Variants in NOL4 observed in about 807,000 individuals in gnomAD.
The protein encoded by NOL4 is nucleolar protein 4.
A neutral mutation model predicts 75.9 loss-of-function variants in NOL4; 17 were observed. The observed-to-expected ratio is 0.22, with a 90% CI of 0.15 to 0.34. The LOEUF (loss-of-function observed/expected upper bound fraction) is 0.34, where lower values mean the gene tolerates loss of function less well. NOL4 is among the 10% of genes least tolerant of loss of function. The pLI, the probability that NOL4 is intolerant of heterozygous loss-of-function variation, is 1.00. For synonymous variants in NOL4, 292 were observed against 289.9 expected (o/e 1.01, Z -0.07); for missense variants, 614 against 793.5 (o/e 0.77, Z 2.72).
At chr18:34,024,194 A>ATATATATATAT (rs1555696186) in intron 5 of NOL4, among the ~76,000 whole-genome samples, 3 of 70,696 alleles carry the variant, frequency 4.2e-5, no homozygotes, top group African/African-American at 1.1e-4. Flanking sequence ...AAAAAAAAAA[A>ATATATATATAT]ATATATATAT....
At chr18:34,180,465 G>A (rs1265313208) in intron 1 of NOL4, among the ~76,000 whole-genome samples, 1 of 151,356 alleles carries the variant, frequency 6.6e-6, no homozygotes, top group Admixed American at 6.6e-5. Context: ...ACAAACTGGG[G>A]ACTTAAAGAA....
chr18:34,074,108 A>C (rs2077639954), intron 5 of NOL4, among the ~76,000 whole-genome samples: 1 of 151,818 alleles, frequency 6.6e-6, no homozygotes, highest in African/African-American at 2.4e-5. Flanking sequence ...AATAAGAAAA[A>C]AGGAGAATAG....
chr18:33,938,591 G>A (rs181404253), intron 9 of NOL4, among the ~76,000 whole-genome samples: 115 of 152,198 alleles, frequency 7.6e-4, no homozygotes, highest in Non-Finnish European at 1.1e-3. Context: ...TTTGAGAAGC[G>A]TCTGTTCATA....
chr18:33,940,593 A>C (rs2068407579), intron 9 of NOL4, among the ~76,000 whole-genome samples: 1 of 152,056 alleles, frequency 6.6e-6, no homozygotes, highest in African/African-American at 2.4e-5. Context: ...GAAATACCTA[A>C]TGTAGATGAT....
chr18:33,896,694 C>G (rs369756325), intron 9 of NOL4, among the ~76,000 whole-genome samples: 1 of 152,038 alleles, frequency 6.6e-6, no homozygotes. Flanking sequence ...CAATATAATC[C>G]TGGACATATG....
chr18:34,124,413 A>C (rs990830023), intron 2 of NOL4, among the ~76,000 whole-genome samples: 1 of 152,194 alleles, frequency 6.6e-6, no homozygotes, highest in Non-Finnish European at 1.5e-5. Context: ...TTTTTCATTT[A>C]ATGATATTCA....
intron 5 of NOL4, among the ~76,000 whole-genome samples, chr18:34,074,429 CA>C (rs1221221787): frequency 2.0e-5 from 3 of 151,674 alleles, no homozygotes; most frequent in Non-Finnish European, 4.4e-5. Flanking sequence ...TAAACACAAA[CA>C]AAAAATACAT....
chr18:34,118,007 G>A (rs987073212), intron 2 of NOL4, among the ~76,000 whole-genome samples: 4 of 152,124 alleles, frequency 2.6e-5, no homozygotes, highest in African/African-American at 9.7e-5. Context: ...AAAATGATGA[G>A]TGTTCCTAAA....
At chr18:33,978,206 T>A (rs1288691421) in intron 6 of NOL4, among the ~76,000 whole-genome samples, 2 of 152,168 alleles carry the variant, frequency 1.3e-5, no homozygotes, top group Non-Finnish European at 2.9e-5. Context: ...CCAAAATTAA[T>A]ATTTATTGAA....
chr18:33,986,883 T>C (rs73414400), intron 6 of NOL4, among the ~76,000 whole-genome samples: 2,847 of 152,218 alleles, frequency 0.019, 80 homozygotes, highest in African/African-American at 0.054. Flanking sequence ...CTTCAGTTGG[T>C]AAATAAATTG....
intron 6 of NOL4, among the ~76,000 whole-genome samples, chr18:33,964,315 T>G (rs2070393783): frequency 6.6e-6 from 1 of 152,136 alleles, no homozygotes; most frequent in South Asian, 2.1e-4. Context: ...AAAATATCAG[T>G]TATTCATCAG....
At chr18:33,873,068 C>T (rs892750296) in intron 10 of NOL4, among the ~76,000 whole-genome samples, 1 of 151,932 alleles carries the variant, frequency 6.6e-6, no homozygotes, top group African/African-American at 2.4e-5. Context: ...ATTCCAGTTA[C>T]GTTTACTTCA....
chr18:33,978,767 T>C (rs2071706480), intron 6 of NOL4, among the ~76,000 whole-genome samples: 1 of 151,868 alleles, frequency 6.6e-6, no homozygotes, highest in South Asian at 2.1e-4. Context: ...ACTTATAATA[T>C]CTAATATAAT....
chr18:33,863,582 ATCT>A (rs1484061434), intron 10 of NOL4, among the ~76,000 whole-genome samples: 4 of 152,078 alleles, frequency 2.6e-5, no homozygotes, highest in African/African-American at 9.7e-5. Context: ...CTCTGAAATG[ATCT>A]TCTTTGACTC....
intron 5 of NOL4, among the ~76,000 whole-genome samples, chr18:34,070,562 A>AG (rs1438416367): frequency 1.7e-5 from 1 of 58,286 alleles, no homozygotes; most frequent in Non-Finnish European, 4.5e-5. Context: ...CACAATCTTT[A>AG]AAGTACTCGG....
chr18:33,977,313 T>TC (rs1374097348), intron 6 of NOL4, among the ~76,000 whole-genome samples: 2 of 152,120 alleles, frequency 1.3e-5, no homozygotes, highest in Non-Finnish European at 2.9e-5. Flanking sequence ...GCAACCATAA[T>TC]CCCCACGTGT....
chr18:34,162,664 A>C (rs2031688671), intron 1 of NOL4, among the ~76,000 whole-genome samples: 1 of 152,224 alleles, frequency 6.6e-6, no homozygotes, highest in Non-Finnish European at 1.5e-5. Context: ...GAGGAGGTAC[A>C]AGGAGGAACT....
chr18:33,948,576 T>A (rs1030260008), intron 8 of NOL4, among the ~76,000 whole-genome samples: 4 of 152,006 alleles, frequency 2.6e-5, no homozygotes, highest in Non-Finnish European at 4.4e-5. Flanking sequence ...TGCAACTTAA[T>A]CTGAGTCTCA....
chr18:34,121,852 G>A (rs1307545890), intron 2 of NOL4, among the ~76,000 whole-genome samples: 2 of 152,128 alleles, frequency 1.3e-5, no homozygotes, highest in African/African-American at 4.8e-5. Context: ...TACAGTATCT[G>A]GGGTTTGGTG....
Sources: gnomAD v4.1 joint callset for allele counts (sites outside exome capture counted in the v4.1 genomes callset) on GRCh38, gnomAD v4.1.1 for gene constraint, MANE v1.5 for transcripts, NCBI Gene and HGNC (gene_info 2026-07-23, HGNC 2026-07-21) for gene names.